The following LAMB1 variants were observed in gnomAD, a reference collection of about 807,000 sequenced individuals.
LAMB1 encodes laminin subunit beta 1.
A neutral mutation model predicts 222.3 loss-of-function variants in LAMB1; 121 were observed. The observed-to-expected ratio is 0.54, with a 90% CI of 0.47 to 0.63. The LOEUF (loss-of-function observed/expected upper bound fraction) is 0.63, where lower values mean the gene tolerates loss of function less well. Ranked by LOEUF, LAMB1 falls within the 30% of genes least tolerant of loss-of-function variation. LAMB1 has a pLI of 0.00. For synonymous variants in LAMB1, 794 were observed against 807.2 expected (o/e 0.98, Z 0.28); for missense variants, 2,172 against 2,240.8 (o/e 0.97, Z 0.62).
intron 24 of LAMB1, among the ~76,000 whole-genome samples, chr7:107,943,137 C>T (rs1054597019): frequency 6.6e-6 from 1 of 152,178 alleles, no homozygotes; most frequent in Admixed American, 6.5e-5. Flanking sequence ...GTAGACCATA[C>T]GTTCTATGAT....
At chr7:107,925,374 G>A (rs1259643718) in intron 32 of LAMB1, among the ~76,000 whole-genome samples, 3 of 152,004 alleles carry the variant, frequency 2.0e-5, no homozygotes, top group Admixed American at 6.6e-5. Flanking sequence ...GAATCCTATT[G>A]GGAACTGTGC....
At position 107,994,967 on chromosome 7, in the gene LAMB1, G is replaced by A. The variant is rs1352089195; in HGVS notation, c.350-7C>T. On this transcript the variant is annotated splice_polypyrimidine_tract_variant and splice_region_variant and intron_variant, in intron 4 of 33. Transcript: ENST00000222399. ...ATAGTTACATTTTCCACACCTACAG[G>A]AGATTTAAAAAAAATAAAACAATAA... 4 of 1,518,030 alleles carry A rather than the reference G, an allele frequency of 2.6e-6. No individual in the cohort carries two copies. Among genetic ancestry groups the A allele is most frequent in the East Asian group, 2.3e-5 (1 of 44,394 alleles). The allele number at this position is 1,518,030 out of a possible 1,614,324, so 94.0% of individuals were successfully genotyped here.
rs762555521 is a variant in LAMB1 at position 107,951,220 on chromosome 7, A to G, written c.3391+6T>C. On this transcript the variant is annotated splice_donor_region_variant and intron_variant, in intron 24 of 33. Coordinates refer to ENST00000222399, the MANE Select transcript of LAMB1 (RefSeq NM_002291.3). ...TCAAGTCAATGCGAGAACGCCCACA[A>G]CTCACCTCGGCACTCCACGTCGGGG... The G allele has an allele frequency of 1.4e-5, 22 of 1,611,876 alleles. No homozygotes were observed. Among genetic ancestry groups the G allele is most frequent in the South Asian group, 7.7e-5 (7 of 91,028 alleles).
At chr7:107,981,553 G>C (rs191553472) in intron 7 of LAMB1, among the ~76,000 whole-genome samples, 4 of 152,262 alleles carry the variant, frequency 2.6e-5, no homozygotes, top group Non-Finnish European at 5.9e-5. Context: ...AAAAAGAGTA[G>C]CTATTCTGTG....
chr7:107,961,056 T>G, intron 17 of LAMB1, 150 bp downstream of exon 17: 1 of 792,122 alleles, frequency 1.3e-6, no homozygotes, highest in Non-Finnish European at 2.0e-6. Context: ...TTCCATGGGG[T>G]GGAGTATAAG....
intron 23 of LAMB1, 72 bp from the exon 24 acceptor site, chr7:107,951,394 C>T: frequency 7.3e-7 from 1 of 1,368,076 alleles, no homozygotes; most frequent in Non-Finnish European, 1.0e-6. Context: ...TTTTTTCTAG[C>T]TGCCACTTAG....
In LAMB1 at chr7:107,940,358, G is replaced by C; in HGVS notation, c.3392C>G (p.Ala1131Gly). 6.2e-7 allele frequency: 1 copy of C among 1,610,160 alleles called. No homozygotes were observed. The highest frequency in any genetic ancestry group is 1.1e-5 in the South Asian group (1 of 91,014). Residue 1131 changes from alanine to glycine, a missense_variant and splice_region_variant, in exon 25 of 34, where the codon GCC becomes GGC. Coordinates refer to ENST00000222399, the MANE Select transcript of LAMB1 (RefSeq NM_002291.3). ...AATGCCCCTGGGGTCACAGTCACAGGCTAGAAGGGAATAAGCAATGCTAGC... is the reference window on the plus strand; with the variant it reads ...AATGCCCCTGGGGTCACAGTCACAGCCTAGAAGGGAATAAGCAATGCTAGC... ...FWGDPDVECRACDCDPRGIET... is the reference protein window; with the variant it reads ...FWGDPDVECRGCDCDPRGIET...
Position 107,998,400 on chromosome 7 carries a change from T to A in LAMB1, c.306A>T (p.Thr102=). 1 of 1,614,112 alleles carries A rather than the reference T, an allele frequency of 6.2e-7. No homozygotes were observed. The highest frequency in any genetic ancestry group is 8.5e-7 in the Non-Finnish European group (1 of 1,179,984). ...DSHLIENVVT[T]FAPNRLKIWW... ...AAATCTTAAGGCGGTTTGGAGCAAATGTAGTGACCACATTTTCAATGAGAT... is the reference window on the plus strand; with the variant it reads ...AAATCTTAAGGCGGTTTGGAGCAAAAGTAGTGACCACATTTTCAATGAGAT... The change falls in exon 4 of 34, where the codon ACA becomes ACT. Residue 102 remains threonine (T), a synonymous_variant. Coordinates refer to ENST00000222399, the MANE Select transcript of LAMB1 (RefSeq NM_002291.3).
chr7:107,961,402 C>A, intron 16 of LAMB1, 73 bp from the exon 17 acceptor site: 1 of 1,593,136 alleles, frequency 6.3e-7, no homozygotes, highest in Non-Finnish European at 8.5e-7. Flanking sequence ...AAATTAAAAA[C>A]AAAGCTCTGC....
In LAMB1 at chr7:107,935,482, T is replaced by C; in HGVS notation, c.4121A>G (p.Gln1374Arg). 1 of 1,612,794 alleles carries C rather than the reference T, an allele frequency of 6.2e-7. No individual in the cohort carries two copies. Among genetic ancestry groups the C allele is most frequent in the East Asian group, 2.2e-5 (1 of 44,752 alleles). Reference sequence around the variant, plus strand: ...TGCCAGTTCATCAAGGAGGCGAGCCTGCTCCTCTTGTTTTTCCTTGAACTG... The same window carrying C: ...TGCCAGTTCATCAAGGAGGCGAGCCCGCTCCTCTTGTTTTTCCTTGAACTG... ...ESQFKEKQEE[Q>R]ARLLDELAGK... is the part of the protein sequence containing the mutation. Residue 1374 changes from glutamine (Q) to arginine (R), a missense_variant, in exon 27 of 34, where the codon CAG becomes CGG. Coordinates refer to ENST00000222399, the MANE Select transcript of LAMB1 (RefSeq NM_002291.3).
chr7:107,939,018 A>G (rs1379151446), intron 25 of LAMB1, among the ~76,000 whole-genome samples: 6 of 152,180 alleles, frequency 3.9e-5, no homozygotes, highest in Non-Finnish European at 5.9e-5. Context: ...ACACACAAAA[A>G]ATGTTACTGT....
At chr7:107,961,138 C>T (rs552061714) in intron 17 of LAMB1, 68 bp downstream of exon 17, 3 of 1,597,594 alleles carry the variant, frequency 1.9e-6, no homozygotes, top group Non-Finnish European at 2.6e-6. Context: ...CAACAAAACA[C>T]CCTGAGAGCA....
In LAMB1 at chr7:107,975,863, C is replaced by T; in HGVS notation, c.1015G>A (p.Glu339Lys). Residue 339 changes from glutamate to lysine, a missense_variant, in exon 10 of 34, where the codon GAA (glutamate) becomes AAA (lysine). Coordinates refer to ENST00000222399, the MANE Select transcript of LAMB1 (RefSeq NM_002291.3). ...SNACKKCNCN[E>K]HSISCHFDMA... is the part of the protein sequence containing the mutation. ...TCAAAGTGACAAGAGATGGAATGTT[C>T]ATTGCAGTTACATTCTGCGTGACAA... 1 of 1,613,836 alleles carries T rather than the reference C, an allele frequency of 6.2e-7. No individual in the cohort carries two copies. Among genetic ancestry groups the T allele is most frequent in the Non-Finnish European group, 8.5e-7 (1 of 1,179,920 alleles).
At chr7:107,974,898 C>T (rs1417721436) in intron 12 of LAMB1, 88 bp downstream of exon 12, 20 of 771,642 alleles carry the variant, frequency 2.6e-5, no homozygotes, top group East Asian at 7.4e-5. Flanking sequence ...TGAGGGTGAT[C>T]GCAGACTCTA....
chr7:107,994,922 C>T lies in LAMB1; in HGVS notation c.388G>A (p.Glu130Lys). ...ATTATGAGATGAGTAAAATGGAATT[C>T]TGCTTCCAAATCCAGTTGGATAGTT... Reference protein sequence around the residue: ...NVTIQLDLEAEFHFTHLIMTF... With the variant: ...NVTIQLDLEAKFHFTHLIMTF... Residue 130 changes from glutamate (E) to lysine (K), a missense_variant, in exon 5 of 34, where the codon GAA becomes AAA. Transcript: ENST00000222399. 6.2e-7 allele frequency: 1 copy of T among 1,605,002 alleles called. No homozygotes were observed. Among genetic ancestry groups the T allele is most frequent in the Non-Finnish European group, 8.5e-7 (1 of 1,172,346 alleles).
intron 30 of LAMB1, 43 bp from the exon 31 acceptor site, chr7:107,929,248 A>C: frequency 6.2e-7 from 1 of 1,605,876 alleles, no homozygotes; most frequent in Admixed American, 1.7e-5. Flanking sequence ...GCTGAACATG[A>C]AAAAAGTACT....
At chr7:107,985,632 A>AAAAAC (rs372998217) in intron 7 of LAMB1, among the ~76,000 whole-genome samples, 5 of 150,544 alleles carry the variant, frequency 3.3e-5, no homozygotes, top group African/African-American at 7.3e-5. Context: ...TCCATCTCAA[A>AAAAAC]AAAACAAAAC....
chr7:107,924,449 A>G, intron 32 of LAMB1, 60 bp from the exon 33 acceptor site: 1 of 1,334,156 alleles, frequency 7.5e-7, no homozygotes, highest in Non-Finnish European at 1.0e-6. Context: ...ATTACATTTA[A>G]GAGCAATAGT....
At chr7:107,925,210 G>A (rs959381534) in intron 32 of LAMB1, among the ~76,000 whole-genome samples, 1 of 152,094 alleles carries the variant, frequency 6.6e-6, no homozygotes. Flanking sequence ...GAAAATTTTT[G>A]AATAGTAGGG....
Sources: allele counts gnomAD v4.1 joint callset (sites outside exome capture counted in the v4.1 genomes callset), GRCh38; gene constraint gnomAD v4.1.1; transcripts MANE v1.5; gene names NCBI Gene and HGNC (gene_info 2026-07-23, HGNC 2026-07-21).